The following SPIN1 variants were observed in gnomAD, a reference collection of about 807,000 sequenced individuals.
SPIN1 encodes the protein spindlin 1.
Under a neutral mutation model 26.0 loss-of-function variants are expected in SPIN1, and 3 were observed. The observed-to-expected ratio is 0.12, with a 90% CI of 0.05 to 0.30. The LOEUF (loss-of-function observed/expected upper bound fraction) is 0.30. SPIN1 is among the 10% of genes least tolerant of loss of function. The pLI, the probability that SPIN1 is intolerant of heterozygous loss-of-function variation, is 1.00. For synonymous variants in SPIN1, 101 were observed against 116.5 expected, an observed-to-expected ratio of 0.87 and a Z score of 0.86; for missense variants, 126 against 333.4, an observed-to-expected ratio of 0.38 and a Z score of 4.84.
chr9:88,425,545 G>A (rs1827747203), intron 1 of SPIN1, among the ~76,000 whole-genome samples: 1 of 151,866 alleles, frequency 6.6e-6, no homozygotes, highest in Non-Finnish European at 1.5e-5. Flanking sequence ...GGGCATGGTG[G>A]CGCACACCTG....
intron 2 of SPIN1, among the ~76,000 whole-genome samples, chr9:88,439,544 T>C (rs1312352400): frequency 3.3e-5 from 5 of 152,236 alleles, no homozygotes; most frequent in African/African-American, 1.2e-4. Flanking sequence ...TATTCTGAAA[T>C]GTGAAAGACT....
At chr9:88,453,288 C>T (rs1458479856) in intron 3 of SPIN1, among the ~76,000 whole-genome samples, 2 of 152,110 alleles carry the variant, frequency 1.3e-5, no homozygotes, top group Non-Finnish European at 2.9e-5. Flanking sequence ...TCTCAGTTTA[C>T]TTTTTTGGGA....
intron 4 of SPIN1, among the ~76,000 whole-genome samples, 194 bp from the exon 5 acceptor site, chr9:88,468,178 A>C (rs1828709061): frequency 6.6e-6 from 1 of 152,144 alleles, no homozygotes; most frequent in Admixed American, 6.5e-5. Flanking sequence ...ATTCTGTTGA[A>C]TCCATCTCTG....
chr9:88,437,928 G>A (rs1825242187), intron 2 of SPIN1, among the ~76,000 whole-genome samples: 1 of 152,124 alleles, frequency 6.6e-6, no homozygotes, highest in Non-Finnish European at 1.5e-5. Context: ...GGGAGGCTGA[G>A]GGGGGCAGAG....
At chr9:88,432,227 G>C (rs1564030860) in intron 2 of SPIN1, among the ~76,000 whole-genome samples, 1 of 115,764 alleles carries the variant, frequency 8.6e-6, no homozygotes, top group Non-Finnish European at 1.6e-5. Flanking sequence ...GTCTTGCTCT[G>C]TTGCCCAGGC....
At chr9:88,428,296 C>G (rs1375246209) in intron 2 of SPIN1, among the ~76,000 whole-genome samples, 6 of 152,154 alleles carry the variant, frequency 3.9e-5, no homozygotes, top group African/African-American at 1.4e-4. Flanking sequence ...AGTGAACATA[C>G]TAGTTCCAGC....
chr9:88,444,891 CTG>C (rs1038102698), intron 2 of SPIN1, among the ~76,000 whole-genome samples: 177 of 150,670 alleles, frequency 1.2e-3, no homozygotes, highest in African/African-American at 4.1e-3. Context: ...CGGGGTTTCA[CTG>C]TGTTATTAGC....
At chr9:88,441,414 T>TGTGTGTGTGTGTGTGTGTGTGCGCGCGC in intron 2 of SPIN1, among the ~76,000 whole-genome samples, 5 of 141,198 alleles carry the variant, frequency 3.5e-5, no homozygotes, top group African/African-American at 1.5e-4. Flanking sequence ...TGTGTGTGTG[T>TGTGTGTGTGTGTGTGTGTGTGCGCGCGC]GCGCGCGCGC....
intron 4 of SPIN1, among the ~76,000 whole-genome samples, chr9:88,467,858 C>CA (rs201593243): frequency 0.093 from 10,504 of 113,126 alleles, 713 homozygotes; most frequent in African/African-American, 0.19. Context: ...AAAAAAAAAA[C>CA]AAAAAAAAAA....
At position 88,412,466 on chromosome 9, in the gene SPIN1, C is replaced by T. The variant is rs544347828; in HGVS notation, c.-158-13916C>T. Among the ~76,000 whole-genome samples, 6 of 152,112 alleles carry T rather than the reference C, an allele frequency of 3.9e-5. No individual in the cohort carries two copies. The South Asian group carries it at 1.2e-3, about 32-fold the overall frequency. ...ATCCTTGCGGGTGGCCTTCAGAAAC[C>T]CATCAAAGACCCAGAGAGACTGCTT... On this transcript the variant is annotated intron_variant, in intron 1 of 5. Transcript: ENST00000375859.
intron 1 of SPIN1, among the ~76,000 whole-genome samples, chr9:88,420,865 A>T (rs1827655627): frequency 1.3e-5 from 2 of 152,308 alleles, no homozygotes; most frequent in South Asian, 4.1e-4. Context: ...ATAATTTAAA[A>T]ACTTCCAGCA....
At chr9:88,462,968 T>A (rs1052453412) in intron 4 of SPIN1, among the ~76,000 whole-genome samples, 1 of 152,072 alleles carries the variant, frequency 6.6e-6, no homozygotes, top group Non-Finnish European at 1.5e-5. Context: ...CCCCAAGAAG[T>A]TTGCCACGTA....
chr9:88,446,922 A>T, intron 2 of SPIN1, among the ~76,000 whole-genome samples: 1 of 152,112 alleles, frequency 6.6e-6, no homozygotes, highest in East Asian at 1.9e-4. Flanking sequence ...TTTTGATCTT[A>T]CTTTGGCTTT....
At chr9:88,440,529 A>ACTTT (rs1403365721) in intron 2 of SPIN1, among the ~76,000 whole-genome samples, 1 of 151,520 alleles carries the variant, frequency 6.6e-6, no homozygotes, top group Non-Finnish European at 1.5e-5. Flanking sequence ...ATCCAAGTCT[A>ACTTT]CTTTCTTTCT....
At chr9:88,394,911 G>A (rs1452632086) in intron 1 of SPIN1, among the ~76,000 whole-genome samples, 2 of 149,234 alleles carry the variant, frequency 1.3e-5, no homozygotes, top group Non-Finnish European at 3.0e-5. Flanking sequence ...CCGGGTTCAC[G>A]CCATTCTCCT....
intron 3 of SPIN1, among the ~76,000 whole-genome samples, chr9:88,457,001 T>C (rs926730837): frequency 6.6e-6 from 1 of 152,204 alleles, no homozygotes; most frequent in African/African-American, 2.4e-5. Context: ...TTTACTTAAT[T>C]CACTAACAAT....
chr9:88,435,509 T>C (rs996095101), intron 2 of SPIN1, among the ~76,000 whole-genome samples: 2 of 152,200 alleles, frequency 1.3e-5, no homozygotes, highest in African/African-American at 4.8e-5. Context: ...GTTTCTCTCT[T>C]CTCACAGTCT....
At chr9:88,442,780 C>T (rs1361700967) in intron 2 of SPIN1, among the ~76,000 whole-genome samples, 10 of 151,934 alleles carry the variant, frequency 6.6e-5, no homozygotes, top group Admixed American at 6.6e-4. Flanking sequence ...TTGGCATTCT[C>T]TGAGCTTCCT....
chr9:88,471,866 T>G (rs1828796088), intron 5 of SPIN1, among the ~76,000 whole-genome samples: 1 of 152,182 alleles, frequency 6.6e-6, no homozygotes, highest in South Asian at 2.1e-4. Flanking sequence ...AGTCGCACTC[T>G]GTTGCTCAGG....
Sources: allele counts gnomAD v4.1 joint callset (sites outside exome capture counted in the v4.1 genomes callset), GRCh38; gene constraint gnomAD v4.1.1; transcripts MANE v1.5; gene names NCBI Gene and HGNC (gene_info 2026-07-23, HGNC 2026-07-21).